Variants in NEMP2 observed in about 807,000 individuals in gnomAD.
NEMP2 encodes the protein nuclear envelope integral membrane protein 2.
Under a neutral mutation model 54.2 loss-of-function variants are expected in NEMP2, and 53 were observed. That is an observed-to-expected ratio of 0.98 (90% CI 0.78 to 1.23). The LOEUF (loss-of-function observed/expected upper bound fraction) is 1.23, where lower values mean the gene tolerates loss of function less well. NEMP2 is among the 50% of genes most tolerant of loss of function. The pLI, the probability that NEMP2 is intolerant of heterozygous loss-of-function variation, is 0.00. For synonymous variants in NEMP2, 197 were observed against 190.3 expected (o/e 1.04, Z -0.29); for missense variants, 455 against 511.3 (o/e 0.89, Z 1.06).
Position 190,533,626 on chromosome 2 carries a change from T to TA in NEMP2, c.97+932dup, listed in dbSNP as rs1176000849. ...ATCCAGTCTCTCATTCATCCTTAGATAAAAAACCGCGGTATAACCGGAGGG... is the reference window on the plus strand; with the variant it reads ...ATCCAGTCTCTCATTCATCCTTAGATAAAAAAACCGCGGTATAACCGGAGGG... On this transcript the variant is annotated intron_variant, in intron 1 of 8. Transcript: ENST00000409150. This position sits in a 1 kb window ranked among gnomAD's most constrained non-coding sequence, Gnocchi z 4.3. Among the ~76,000 whole-genome samples the TA allele has an allele frequency of 2.0e-5, 3 of 151,944 alleles. No individual in the cohort carries two copies. The highest frequency in any genetic ancestry group is 4.4e-5 in the Non-Finnish European group (3 of 67,998).
At chr2:190,538,163 C>T (rs992096966), upstream of NEMP2, among the ~76,000 whole-genome samples, 4 of 150,544 alleles carry the variant, frequency 2.7e-5, no homozygotes, top group African/African-American at 7.3e-5. This position sits in a 1 kb window ranked among gnomAD's most constrained non-coding sequence, Gnocchi z 4.1. Context: ...CACCAACCTA[C>T]TTTTTATCTT....
chr2:190,433,565 C>T, the NEMP2 span, among the ~76,000 whole-genome samples: 5 of 152,186 alleles, frequency 3.3e-5, no homozygotes, highest in South Asian at 2.1e-4. This position sits in a 1 kb window ranked among gnomAD's most constrained non-coding sequence, Gnocchi z 4.5. Flanking sequence ...AGTAAATTAC[C>T]GCTGAATTGT....
At chr2:190,430,700 C>A in the NEMP2 span, among the ~76,000 whole-genome samples, 1 of 151,488 alleles carries the variant, frequency 6.6e-6, no homozygotes, top group Non-Finnish European at 1.5e-5. Context: ...CATCATGGCC[C>A]GTTCTCAATG....
the NEMP2 span, among the ~76,000 whole-genome samples, chr2:190,446,617 C>T: frequency 6.6e-6 from 1 of 152,240 alleles, no homozygotes; most frequent in South Asian, 2.1e-4. Flanking sequence ...ACTAGGAAGG[C>T]ACATTCATTT....
the NEMP2 span, among the ~76,000 whole-genome samples, chr2:190,605,939 A>AAAGATCTATATTAT: frequency 2.0e-5 from 3 of 152,204 alleles, no homozygotes; most frequent in Non-Finnish European, 2.9e-5. Flanking sequence ...CCTTATGGGC[A>AAAGATCTATATTAT]AAGATCTATA....
chr2:190,623,992 G>A, the NEMP2 span, among the ~76,000 whole-genome samples: 1 of 152,122 alleles, frequency 6.6e-6, no homozygotes, highest in South Asian at 2.1e-4. Flanking sequence ...TCTGATTAAA[G>A]AATGGGCAGA....
In NEMP2 at chr2:190,518,807, G is replaced by T; in HGVS notation, c.447C>A (p.Ile149=). 2 of 1,542,984 alleles carry T rather than the reference G, an allele frequency of 1.3e-6. No homozygotes were observed. The highest frequency in any genetic ancestry group is 2.5e-5 in the South Asian group (2 of 81,128). The change falls in exon 4 of 9, where the codon ATC becomes ATA. Residue 149 remains isoleucine, a splice_region_variant and synonymous_variant. Transcript: ENST00000409150. ...FNYMIHVNRN[I]MDFKLFLVFV... Reference sequence around the variant, plus strand: ...ACACAAGGAAGAGTTTGAAATCCATGACTGGAGTAAAAAAGACACACAAAC... The same window carrying T: ...ACACAAGGAAGAGTTTGAAATCCATTACTGGAGTAAAAAAGACACACAAAC...
chr2:190,569,648 A>T, the NEMP2 span, among the ~76,000 whole-genome samples: 1 of 152,204 alleles, frequency 6.6e-6, no homozygotes, highest in African/African-American at 2.4e-5. Context: ...ATCTTTGAAA[A>T]ACCCACCTCT....
rs947758423 is a variant in NEMP2 at position 190,512,515 on chromosome 2, T to C, written c.953+1938A>G. ...TTTCATCCCCTAATTCTTTATATAA[T>C]TATTCACTAGCAAAATTTTAAGTTG... On this transcript the variant is annotated intron_variant, in intron 7 of 8. Coordinates refer to ENST00000409150, the MANE Select transcript of NEMP2 (RefSeq NM_001142645.2). This position sits in a 1 kb window ranked among gnomAD's most constrained non-coding sequence, Gnocchi z 4.5. 3.6e-4 allele frequency among the ~76,000 whole-genome samples: 55 copies of C among 152,372 alleles called. No homozygotes were observed. The highest frequency in any genetic ancestry group is 1.3e-3 in the African/African-American group (54 of 41,596).
upstream of NEMP2, chr2:190,536,059 G>C (rs1245435020): frequency 4.5e-4 from 68 of 152,208 alleles, no homozygotes. Context: ...AGGCAGCAAT[G>C]TACTAAATAT....
the NEMP2 span, among the ~76,000 whole-genome samples, chr2:190,453,692 A>G: frequency 6.6e-6 from 1 of 152,146 alleles, no homozygotes; most frequent in African/African-American, 2.4e-5. Context: ...CTCACTGAAA[A>G]CTCAAGGGCT....
chr2:190,534,183 A>G, intron 1 of NEMP2: 1 of 1,034,816 alleles, frequency 9.7e-7, no homozygotes, highest in Non-Finnish European at 1.2e-6. Flanking sequence ...GATGTACTGT[A>G]CAAAAGGCCG....
the NEMP2 span, among the ~76,000 whole-genome samples, chr2:190,602,035 C>A: frequency 6.6e-6 from 1 of 152,032 alleles, no homozygotes; most frequent in African/African-American, 2.4e-5. Flanking sequence ...ACAGATAAAA[C>A]CCTGACTAAT....
At chr2:190,585,563 T>C in the NEMP2 span, among the ~76,000 whole-genome samples, 6 of 152,186 alleles carry the variant, frequency 3.9e-5, no homozygotes, top group Non-Finnish European at 5.9e-5. This position sits in a 1 kb window ranked among gnomAD's most constrained non-coding sequence, Gnocchi z 5.3. Context: ...CCCACCCCCA[T>C]GTCATGCCCT....
At chr2:190,545,583 G>T in the NEMP2 span, among the ~76,000 whole-genome samples, 1 of 152,196 alleles carries the variant, frequency 6.6e-6, no homozygotes, top group Non-Finnish European at 1.5e-5. Flanking sequence ...GTCTCTTCTA[G>T]CTTTCAGTTC....
chr2:190,551,987 C>G, the NEMP2 span, among the ~76,000 whole-genome samples: 1 of 152,124 alleles, frequency 6.6e-6, no homozygotes, highest in African/African-American at 2.4e-5. Flanking sequence ...GTGACCCAGT[C>G]CTGGAAGGGA....
chr2:190,424,655 T>C, the NEMP2 span, among the ~76,000 whole-genome samples: 122 of 152,294 alleles, frequency 8.0e-4, no homozygotes, highest in African/African-American at 2.9e-3. This position sits in a 1 kb window ranked among gnomAD's most constrained non-coding sequence, Gnocchi z 5.9. Context: ...TTTTTGCCCA[T>C]GGATGTCTAA....
chr2:190,436,720 G>C, the NEMP2 span: 2 of 1,614,182 alleles, frequency 1.2e-6, no homozygotes, highest in Non-Finnish European at 1.7e-6. The surrounding 1 kb of genome is among the most constrained non-coding windows in gnomAD (Gnocchi z 5.3). Context: ...GCCCCAGACA[G>C]GTGAAATTAC....
At chr2:190,584,951 GA>G in the NEMP2 span, among the ~76,000 whole-genome samples, 1 of 121,430 alleles carries the variant, frequency 8.2e-6, no homozygotes, top group African/African-American at 2.8e-5. The surrounding 1 kb of genome is among the most constrained non-coding windows in gnomAD (Gnocchi z 4.2). Context: ...AAGAAAGAAA[GA>G]AAGAAAGAAA....
Sources: gnomAD v4.1 joint callset for allele counts (sites outside exome capture counted in the v4.1 genomes callset) on GRCh38, gnomAD v4.1.1 for gene constraint, Gnocchi (gnomAD v3.1) non-coding constraint, MANE v1.5 for transcripts, NCBI Gene and HGNC (gene_info 2026-07-23, HGNC 2026-07-21) for gene names.